The following EXOC6B variants were observed in gnomAD, a reference collection of about 807,000 sequenced individuals.
EXOC6B encodes exocyst complex component 6B, also known as SEC15 homolog B.
EXOC6B carries 54 observed loss-of-function variants against 113.5 expected under a neutral mutation model. The ratio of observed to expected loss-of-function variants is 0.48; its 90% CI spans 0.38 to 0.60. The LOEUF (loss-of-function observed/expected upper bound fraction) is 0.60, where lower values mean the gene tolerates loss of function less well. EXOC6B is among the 20% of genes least tolerant of loss of function. EXOC6B has a pLI of 0.00. For synonymous variants in EXOC6B, 357 were observed against 339.0 expected (o/e 1.05, Z -0.58); for missense variants, 797 against 977.5 (o/e 0.82, Z 2.46).
At chr2:72,577,672 C>T (rs755792493) in intron 6 of EXOC6B, among the ~76,000 whole-genome samples, 3 of 151,244 alleles carry the variant, frequency 2.0e-5, no homozygotes, top group Non-Finnish European at 4.4e-5. Flanking sequence ...TATATAAATA[C>T]ATATAATATA....
intron 6 of EXOC6B, among the ~76,000 whole-genome samples, chr2:72,693,699 G>C (rs533408532): frequency 3.5e-4 from 53 of 152,256 alleles, no homozygotes; most frequent in African/African-American, 1.2e-3. Flanking sequence ...TGGCTGCTTT[G>C]TACTGATATT....
chr2:72,319,760 G>A (rs1020091415), intron 20 of EXOC6B, among the ~76,000 whole-genome samples: 1 of 151,502 alleles, frequency 6.6e-6, no homozygotes, highest in African/African-American at 2.4e-5. Context: ...TCGTGGATTA[G>A]AAGACTAAAA....
At chr2:72,224,982 A>ATGTGTG (rs200553877) in intron 20 of EXOC6B, among the ~76,000 whole-genome samples, 2 of 137,082 alleles carry the variant, frequency 1.5e-5, no homozygotes, top group African/African-American at 2.6e-5. Flanking sequence ...CTCTCTCTGT[A>ATGTGTG]TGTGTGTGTG....
intron 18 of EXOC6B, among the ~76,000 whole-genome samples, chr2:72,421,976 T>C (rs1386791076): frequency 6.6e-6 from 1 of 152,226 alleles, no homozygotes; most frequent in Non-Finnish European, 1.5e-5. Flanking sequence ...CCCGGGCCAG[T>C]GGCTGCGGAG....
intron 21 of EXOC6B, among the ~76,000 whole-genome samples, chr2:72,182,112 T>C (rs1461243099): frequency 1.3e-5 from 2 of 152,078 alleles, no homozygotes; most frequent in Admixed American, 6.5e-5. Flanking sequence ...GAGATACGGA[T>C]TGTAGTGATC....
chr2:72,687,979 T>C (rs1350482575), intron 6 of EXOC6B, among the ~76,000 whole-genome samples: 1 of 151,744 alleles, frequency 6.6e-6, no homozygotes, highest in African/African-American at 2.4e-5. Flanking sequence ...TTCTAGAAGC[T>C]CATTGTTGGG....
At chr2:72,262,665 T>C (rs781627558) in intron 20 of EXOC6B, among the ~76,000 whole-genome samples, 6 of 152,160 alleles carry the variant, frequency 3.9e-5, no homozygotes, top group African/African-American at 7.2e-5. Flanking sequence ...TCTGGGGCAA[T>C]AGAAGTTCAA....
At chr2:72,444,618 T>C (rs994145445) in intron 18 of EXOC6B, among the ~76,000 whole-genome samples, 15 of 152,158 alleles carry the variant, frequency 9.9e-5, no homozygotes, top group Admixed American at 5.9e-4. Flanking sequence ...TTCCCAAACC[T>C]CAATTATTGA....
rs1674310842 is a variant in EXOC6B at position 72,653,065 on chromosome 2, G to A, written c.669+65038C>T. ...TCCAGAAAGCAATATGTTAGAGCAGGAAAATACTATAAATCATGCTGCTAT... is the reference window on the plus strand; with the variant it reads ...TCCAGAAAGCAATATGTTAGAGCAGAAAAATACTATAAATCATGCTGCTAT... On this transcript the variant is annotated intron_variant, in intron 6 of 21. Coordinates refer to ENST00000272427, the MANE Select transcript of EXOC6B (RefSeq NM_015189.3). 2.0e-5 allele frequency among the ~76,000 whole-genome samples: 3 copies of A among 151,778 alleles called. No individual in the cohort carries two copies. The South Asian group carries it at 6.2e-4, about 32-fold the overall frequency.
intron 18 of EXOC6B, among the ~76,000 whole-genome samples, chr2:72,433,087 A>T (rs1695641967): frequency 6.6e-6 from 1 of 152,206 alleles, no homozygotes; most frequent in Admixed American, 6.5e-5. Flanking sequence ...ACTTTTGTAT[A>T]AGGTGTAAGG....
intron 20 of EXOC6B, among the ~76,000 whole-genome samples, chr2:72,216,758 G>C (rs1192004297): frequency 6.6e-6 from 1 of 152,096 alleles, no homozygotes; most frequent in Non-Finnish European, 1.5e-5. Context: ...GCAGGGACAC[G>C]GGTGAAGCAG....
chr2:72,362,638 G>C (rs565372978), intron 19 of EXOC6B, among the ~76,000 whole-genome samples: 1 of 152,068 alleles, frequency 6.6e-6, no homozygotes, highest in Admixed American at 6.5e-5. Flanking sequence ...CTCGTGGCTT[G>C]AATTATCATA....
At chr2:72,818,122 C>A (rs999928636) in intron 1 of EXOC6B, among the ~76,000 whole-genome samples, 7 of 151,900 alleles carry the variant, frequency 4.6e-5, no homozygotes, top group African/African-American at 1.7e-4. Context: ...CAGGTGCCCA[C>A]CACCACGCCA....
intron 6 of EXOC6B, among the ~76,000 whole-genome samples, chr2:72,711,141 G>A (rs1679248599): frequency 6.6e-6 from 1 of 151,330 alleles, no homozygotes; most frequent in African/African-American, 2.4e-5. Flanking sequence ...ATTTCAAAAG[G>A]AAAACTAGAA....
At chr2:72,612,269 T>C (rs1161279680) in intron 6 of EXOC6B, among the ~76,000 whole-genome samples, 3 of 150,756 alleles carry the variant, frequency 2.0e-5, no homozygotes, top group African/African-American at 7.4e-5. Flanking sequence ...AGCGAGACTC[T>C]GTCTCAAAAA....
At chr2:72,582,895 A>G (rs1705317404) in intron 6 of EXOC6B, among the ~76,000 whole-genome samples, 1 of 152,214 alleles carries the variant, frequency 6.6e-6, no homozygotes, top group Non-Finnish European at 1.5e-5. Context: ...TAAAGAATTC[A>G]AAATGGATTG....
chr2:72,403,957 CAGT>C (rs1224612777), intron 18 of EXOC6B, among the ~76,000 whole-genome samples: 4 of 152,138 alleles, frequency 2.6e-5, no homozygotes, highest in African/African-American at 4.8e-5. Context: ...TTCCCTTTCC[CAGT>C]CAAAGAAAGG....
At chr2:72,519,337 A>G (rs906081640) in intron 8 of EXOC6B, among the ~76,000 whole-genome samples, 1 of 152,136 alleles carries the variant, frequency 6.6e-6, no homozygotes, top group African/African-American at 2.4e-5. Context: ...AATGGCCCCC[A>G]ACCATAGTAC....
At chr2:72,587,533 C>A (rs888540543) in intron 6 of EXOC6B, among the ~76,000 whole-genome samples, 4 of 152,030 alleles carry the variant, frequency 2.6e-5, no homozygotes, top group Admixed American at 1.3e-4. Flanking sequence ...GTGTAACAAA[C>A]CTGCACGTGG....
Sources: gnomAD v4.1 joint callset for allele counts (sites outside exome capture counted in the v4.1 genomes callset) on GRCh38, gnomAD v4.1.1 for gene constraint, MANE v1.5 for transcripts, NCBI Gene and HGNC (gene_info 2026-07-23, HGNC 2026-07-21) for gene names.